The following ATP2C1 variants were observed in gnomAD, a reference collection of about 807,000 sequenced individuals.
ATP2C1 encodes ATPase secretory pathway Ca2+ transporting 1.
In ATP2C1, 31 loss-of-function variants were observed where a neutral mutation model predicts 120.5. The ratio of observed to expected loss-of-function variants is 0.26; its 90% CI spans 0.19 to 0.35. The LOEUF (loss-of-function observed/expected upper bound fraction) is 0.35. Ranked by LOEUF, ATP2C1 falls within the 10% of genes least tolerant of loss-of-function variation. The probability of loss-of-function intolerance (pLI) is 1.00; values close to 1 mark genes in which losing one functional copy is unlikely to be tolerated. For synonymous variants in ATP2C1, 351 were observed against 358.7 expected (o/e 0.98, Z 0.24); for missense variants, 731 against 1,107.5 (o/e 0.66, Z 4.83).
At chr3:130,919,116 C>T (rs2058823788) in intron 2 of ATP2C1, 1 of 372,862 alleles carries the variant, frequency 2.7e-6, no homozygotes, top group African/African-American at 2.2e-5. Context: ...TCCACGCAGG[C>T]ATTTTGAGTT....
At chr3:130,921,136 C>T (rs2058946575) in intron 2 of ATP2C1, among the ~76,000 whole-genome samples, 1 of 141,396 alleles carries the variant, frequency 7.1e-6, no homozygotes, top group South Asian at 2.2e-4. Context: ...GGCTGGAGTG[C>T]AGGGGCACAG....
At chr3:131,010,121 C>A (rs1488251713) in intron 26 of ATP2C1, among the ~76,000 whole-genome samples, 1 of 151,606 alleles carries the variant, frequency 6.6e-6, no homozygotes, top group African/African-American at 2.4e-5. Flanking sequence ...CAGGTTATAA[C>A]CCTGGTAGTT....
chr3:130,943,133 A>G (rs1382673248), intron 8 of ATP2C1, among the ~76,000 whole-genome samples: 1 of 152,260 alleles, frequency 6.6e-6, no homozygotes, highest in African/African-American at 2.4e-5. Flanking sequence ...CAAAGTTCAC[A>G]TGTAAACAGG....
At chr3:130,896,731 T>C (rs992594553) in intron 2 of ATP2C1, among the ~76,000 whole-genome samples, 6 of 152,324 alleles carry the variant, frequency 3.9e-5, no homozygotes, top group Non-Finnish European at 7.4e-5. Flanking sequence ...GTAAATTACG[T>C]CACCTTTCTG....
intron 2 of ATP2C1, among the ~76,000 whole-genome samples, chr3:130,923,428 A>G (rs1196398067): frequency 1.3e-5 from 2 of 151,980 alleles, no homozygotes; most frequent in Non-Finnish European, 2.9e-5. Flanking sequence ...AGTTTTCACC[A>G]TGCTGGTCTC....
chr3:130,986,283 C>A (rs1419780655), intron 20 of ATP2C1, among the ~76,000 whole-genome samples: 1 of 150,066 alleles, frequency 6.7e-6, no homozygotes, highest in Non-Finnish European at 1.5e-5. Flanking sequence ...GGTATTGGGA[C>A]AGAGTATTAG....
intron 1 of ATP2C1, among the ~76,000 whole-genome samples, chr3:130,854,683 C>G (rs2067781378): frequency 6.6e-6 from 1 of 152,160 alleles, no homozygotes; most frequent in South Asian, 2.1e-4. Context: ...CTGGGGAGTA[C>G]TGCTCTTAGG....
intron 18 of ATP2C1, among the ~76,000 whole-genome samples, chr3:130,978,028 G>T (rs1172260556): frequency 3.9e-5 from 6 of 152,126 alleles, no homozygotes; most frequent in African/African-American, 1.4e-4. Context: ...ATAAATACAG[G>T]ATACTAACCT....
At chr3:130,976,531 T>C (rs1370847611) in intron 18 of ATP2C1, among the ~76,000 whole-genome samples, 1 of 152,210 alleles carries the variant, frequency 6.6e-6, no homozygotes, top group East Asian at 1.9e-4. Flanking sequence ...GACTCATGGC[T>C]GAGAAGTTAT....
In ATP2C1 at chr3:130,959,176, C is replaced by CT. The variant is rs1281906099; in HGVS notation, c.833-93dup. ...CTAATTGTGATCTGATATGCTTTCC[C>CT]TTTTTTGTCAAGGGACGTTTTAGAT... On this transcript the variant is annotated intron_variant, in intron 11 of 27. Transcript: ENST00000510168. 1.6e-5 allele frequency: 14 copies of CT among 869,088 alleles called. No individual in the cohort carries two copies. The Middle Eastern group carries it at 8.8e-4, about 55-fold the overall frequency. 53.8% of individuals were successfully genotyped at this position (869,088 alleles called of 1,614,324 possible). A position where few individuals can be genotyped will look rare whatever the true frequency, so the allele number is the denominator to read the frequency against.
At chr3:131,015,937 T>C (rs2063605703) in intron 26 of ATP2C1, 6 of 723,538 alleles carry the variant, frequency 8.3e-6, no homozygotes, top group Non-Finnish European at 1.4e-5. Flanking sequence ...CATGGAAACA[T>C]TCTTTGAGAA....
intron 1 of ATP2C1, among the ~76,000 whole-genome samples, chr3:130,884,778 T>A (rs1462619386): frequency 1.3e-5 from 2 of 152,196 alleles, no homozygotes; most frequent in Non-Finnish European, 2.9e-5. Flanking sequence ...TTCTTATAGT[T>A]TTTGTCAAGA....
chr3:130,950,898 G>A lies in ATP2C1; in HGVS notation c.532-2923G>A, dbSNP rs1008201146. ...GATTAAAAAAAAAAATTCCTTCTCTGTTAGTCACTTCATGTTAGTATTTAT... is the reference window on the plus strand; with the variant it reads ...GATTAAAAAAAAAAATTCCTTCTCTATTAGTCACTTCATGTTAGTATTTAT... On this transcript the variant is annotated intron_variant, in intron 8 of 27. Transcript: ENST00000510168. 7.9e-5 allele frequency among the ~76,000 whole-genome samples: 12 copies of A among 151,936 alleles called. 1 individual carries two copies. The highest frequency in any genetic ancestry group is 7.2e-4 in the Admixed American group (11 of 15,252).
At position 130,937,473 on chromosome 3, in the gene ATP2C1, C is replaced by CT. The variant is rs1231328836; in HGVS notation, c.360+11dup. 6.2e-7 allele frequency: 1 copy of CT among 1,611,914 alleles called. No homozygotes were observed. Among genetic ancestry groups the CT allele is most frequent in the Non-Finnish European group, 8.5e-7 (1 of 1,178,104 alleles). ...AGTTGCCTTTGTTCAGGTAAGTACT[C>CT]TATTTTGCCAACATGAAAATGGTAT... On this transcript the variant is annotated intron_variant, in intron 6 of 27. Transcript: ENST00000510168.
chr3:130,899,961 G>A (rs1375904705), intron 2 of ATP2C1, among the ~76,000 whole-genome samples: 2 of 152,058 alleles, frequency 1.3e-5, no homozygotes, highest in Non-Finnish European at 1.5e-5. Context: ...TTGACATTTG[G>A]TCATTTCGTA....
upstream of ATP2C1, among the ~76,000 whole-genome samples, chr3:130,893,364 T>C (rs2069260464): frequency 6.6e-6 from 1 of 152,206 alleles, no homozygotes; most frequent in Admixed American, 6.5e-5. Context: ...TAGCTCTCCC[T>C]GGAGCTCTCT....
rs200025444 is a variant in ATP2C1, at chr3:130,932,006, G to A, written c.118-16G>A. The A allele has an allele frequency of 2.7e-6, 4 of 1,492,748 alleles. No individual in the cohort carries two copies. In the East Asian group the frequency reaches 6.8e-5, roughly 25 times the overall value. The allele number at this position is 1,492,748 out of a possible 1,614,324, so 92.5% of individuals were successfully genotyped here. On this transcript the variant is annotated splice_polypyrimidine_tract_variant and intron_variant, in intron 3 of 27. Transcript: ENST00000510168. ...TGCTAACATTTTCAATAACTTTCAT[G>A]TATAAACTCTAATAGGCTGATCTTC...
chr3:130,894,303 C>T lies in ATP2C1; in HGVS notation c.-215C>T. 6 of 987,236 alleles carry T rather than the reference C, an allele frequency of 6.1e-6. No individual in the cohort carries two copies. The highest frequency in any genetic ancestry group is 7.2e-6 in the Non-Finnish European group (6 of 831,014). The allele number at this position is 987,236 out of a possible 1,614,324, so 61.2% of individuals were successfully genotyped here. On this transcript the variant is annotated 5_prime_UTR_variant, in exon 1 of 28. Transcript: ENST00000510168. The surrounding 1 kb of genome is among the most constrained non-coding windows in gnomAD (Gnocchi z 4.5). The stretch of plus-strand genomic sequence containing the variant: ...CCCCCGCGAGCCCCGCGGCTGAGAC[C>T]CCGCAGCCTGGAGGAGGGCTGTCCG...
chr3:130,914,634 C>T (rs1030190850), intron 2 of ATP2C1, among the ~76,000 whole-genome samples: 1 of 152,130 alleles, frequency 6.6e-6, no homozygotes, highest in East Asian at 1.9e-4. Flanking sequence ...CTGCTTTAGC[C>T]TCCTAAGTAG....
Sources: gnomAD v4.1 joint callset for allele counts (sites outside exome capture counted in the v4.1 genomes callset) on GRCh38, gnomAD v4.1.1 for gene constraint, Gnocchi (gnomAD v3.1) non-coding constraint, MANE v1.5 for transcripts, NCBI Gene and HGNC (gene_info 2026-07-23, HGNC 2026-07-21) for gene names.